PTPRN2: variants seen among roughly 807,000 people sequenced by gnomAD.
The protein encoded by PTPRN2 is receptor-type tyrosine-protein phosphatase N2.
In PTPRN2, 74 loss-of-function variants were observed where a neutral mutation model predicts 118.8. The observed-to-expected ratio is 0.62, with a 90% CI of 0.52 to 0.76. The LOEUF (loss-of-function observed/expected upper bound fraction) is 0.76, where lower values mean the gene tolerates loss of function less well. PTPRN2 is among the 30% of genes least tolerant of loss of function. The pLI is 0.00. For synonymous variants in PTPRN2, 641 were observed against 608.0 expected, an observed-to-expected ratio of 1.05 and a Z score of -0.80; for missense variants, 1,481 against 1,394.4, an observed-to-expected ratio of 1.06 and a Z score of -0.99.
intron 12 of PTPRN2, among the ~76,000 whole-genome samples, chr7:157,795,950 G>A (rs1804843856): frequency 6.6e-6 from 1 of 152,376 alleles, no homozygotes; most frequent in African/African-American, 2.4e-5. Flanking sequence ...CCTGATCACC[G>A]TGATGGAGGG....
chr7:158,241,410 A>G (rs958442704), intron 3 of PTPRN2, among the ~76,000 whole-genome samples: 2 of 152,170 alleles, frequency 1.3e-5, no homozygotes, highest in African/African-American at 4.8e-5. Flanking sequence ...GCTACCCAGG[A>G]GGTTGAGGCA....
intron 17 of PTPRN2, among the ~76,000 whole-genome samples, chr7:157,580,812 C>A (rs2150533211): frequency 7.8e-6 from 1 of 128,824 alleles, no homozygotes; most frequent in South Asian, 2.7e-4. Flanking sequence ...ACCTGCACAC[C>A]CCAGCACCTG....
intron 5 of PTPRN2, among the ~76,000 whole-genome samples, chr7:158,169,417 A>T (rs1387729372): frequency 3.6e-4 from 49 of 136,592 alleles, no homozygotes; most frequent in South Asian, 1.2e-3. Context: ...TGCTTTTGTG[A>T]GTGTGTGTGT....
At chr7:158,211,594 G>A (rs149560743) in intron 3 of PTPRN2, among the ~76,000 whole-genome samples, 51 of 152,186 alleles carry the variant, frequency 3.4e-4, no homozygotes, top group African/African-American at 1.2e-3. Flanking sequence ...ACATTCAGAC[G>A]GCAAACAGGC....
intron 11 of PTPRN2, among the ~76,000 whole-genome samples, chr7:158,062,946 A>G (rs1810467778): frequency 6.6e-6 from 1 of 152,218 alleles, no homozygotes; most frequent in South Asian, 2.1e-4. Flanking sequence ...CCAAAGGCTG[A>G]GGAGTGTGGG....
chr7:157,571,761 G>T (rs1799769772), intron 19 of PTPRN2, among the ~76,000 whole-genome samples: 1 of 152,120 alleles, frequency 6.6e-6, no homozygotes, highest in Non-Finnish European at 1.5e-5. Context: ...TGAACCAGTG[G>T]ACTCCCGGCC....
intron 2 of PTPRN2, among the ~76,000 whole-genome samples, chr7:158,386,154 GCC>G (rs144857081): frequency 6.1e-5 from 8 of 130,672 alleles, no homozygotes; most frequent in African/African-American, 2.4e-4. Context: ...CTCCTCCCAT[GCC>G]CTGAGTCCCT....
At chr7:157,984,377 C>CAAT (rs1554507086) in intron 11 of PTPRN2, among the ~76,000 whole-genome samples, 160 of 12,496 alleles carry the variant, frequency 0.013, 7 homozygotes, top group Non-Finnish European at 0.018. Flanking sequence ...AGGCTCCACC[C>CAAT]CCCACGCCAG....
At chr7:158,024,818 C>G (rs73527309) in intron 11 of PTPRN2, among the ~76,000 whole-genome samples, 3,089 of 152,304 alleles carry the variant, frequency 0.02, 104 homozygotes, top group African/African-American at 0.071. Flanking sequence ...GACCTCAATT[C>G]CTTTCCACTG....
At chr7:158,084,400 C>G (rs1813094465) in intron 10 of PTPRN2, among the ~76,000 whole-genome samples, 2 of 152,102 alleles carry the variant, frequency 1.3e-5, no homozygotes, top group African/African-American at 2.4e-5. Flanking sequence ...TCTTTCTAAC[C>G]AGGGAGCCTT....
chr7:158,264,660 G>A (rs777168904), intron 3 of PTPRN2, among the ~76,000 whole-genome samples: 28 of 152,128 alleles, frequency 1.8e-4, no homozygotes, highest in Non-Finnish European at 2.5e-4. Context: ...GGTCCCTTGC[G>A]GGGACCAAAG....
intron 9 of PTPRN2, among the ~76,000 whole-genome samples, chr7:158,123,847 C>A (rs766722666): frequency 1.3e-5 from 2 of 152,178 alleles, no homozygotes; most frequent in African/African-American, 4.8e-5. Context: ...CGTGCTGACC[C>A]AGGCAGAGCT....
chr7:157,869,118 A>AAG lies in PTPRN2; in HGVS notation c.1788+29553_1788+29554dup, dbSNP rs1296657672. The AAG allele has an allele frequency of 6.6e-6, 1 of 152,256 alleles. No homozygotes were observed. Among genetic ancestry groups the AAG allele is most frequent in the East Asian group, 1.9e-4 (1 of 5,200 alleles). 9.4% of individuals were successfully genotyped at this position (152,256 alleles called of 1,614,324 possible). Reference sequence around the variant, plus strand: ...AATTTCTGATGTTTCCCTGGATGACAAGATGTTTTCTTTATTAAAATATCA... The same window carrying AAG: ...AATTTCTGATGTTTCCCTGGATGACAAGAGATGTTTTCTTTATTAAAATATCA... On this transcript the variant is annotated intron_variant, in intron 12 of 22. Coordinates refer to ENST00000389418, the MANE Select transcript of PTPRN2 (RefSeq NM_002847.5). This position sits in a 1 kb window ranked among gnomAD's most constrained non-coding sequence, Gnocchi z 4.2.
intron 12 of PTPRN2, among the ~76,000 whole-genome samples, chr7:157,738,427 G>T (rs1181869027): frequency 1.3e-5 from 2 of 152,182 alleles, no homozygotes; most frequent in Non-Finnish European, 2.9e-5. Context: ...GAAGCATTTG[G>T]CATCCTGTGA....
At chr7:158,437,544 G>A (rs1449496452) in intron 2 of PTPRN2, among the ~76,000 whole-genome samples, 1 of 152,162 alleles carries the variant, frequency 6.6e-6, no homozygotes, top group African/African-American at 2.4e-5. Flanking sequence ...ATCGAGGGTA[G>A]ATCCCCTTAA....
At chr7:158,299,893 G>A (rs1002091772) in intron 3 of PTPRN2, among the ~76,000 whole-genome samples, 5 of 152,114 alleles carry the variant, frequency 3.3e-5, no homozygotes, top group Non-Finnish European at 5.9e-5. Flanking sequence ...GGAGGAGAAC[G>A]TCCCTGAAAG....
intron 12 of PTPRN2, among the ~76,000 whole-genome samples, chr7:157,877,241 C>T (rs1795830413): frequency 7.4e-6 from 1 of 135,850 alleles, no homozygotes; most frequent in Non-Finnish European, 1.6e-5. Context: ...ACCCCGGGTC[C>T]GAGTGCCACA....
chr7:158,320,595 G>A (rs1039258005), intron 2 of PTPRN2, among the ~76,000 whole-genome samples: 3 of 152,190 alleles, frequency 2.0e-5, no homozygotes, highest in African/African-American at 7.2e-5. Context: ...CGGCAGCGCT[G>A]GGTGACACTT....
chr7:158,015,986 TG>T lies in PTPRN2; in HGVS notation c.1723+65311del, dbSNP rs755530579. Among the ~76,000 whole-genome samples the T allele has an allele frequency of 4.3e-4, 66 of 152,230 alleles. No homozygotes were observed. Among genetic ancestry groups the T allele is most frequent in the South Asian group, 2.3e-3 (11 of 4,810 alleles). On this transcript the variant is annotated intron_variant, in intron 11 of 22. Transcript: ENST00000389418. This position sits in a 1 kb window ranked among gnomAD's most constrained non-coding sequence, Gnocchi z 4.2. ...GTGGGGTCCCAGTGTGTCACCTGCGTGGCCTTTTCAGGTTCTGGGGGCCTCG... is the reference window on the plus strand; with the variant it reads ...GTGGGGTCCCAGTGTGTCACCTGCGTGCCTTTTCAGGTTCTGGGGGCCTCG...
Sources: allele counts gnomAD v4.1 joint callset (sites outside exome capture counted in the v4.1 genomes callset), GRCh38; gene constraint gnomAD v4.1.1; non-coding constraint Gnocchi (gnomAD v3.1); transcripts MANE v1.5; gene names NCBI Gene and HGNC (gene_info 2026-07-23, HGNC 2026-07-21).